Variants in SLC5A9 observed in about 807,000 individuals in gnomAD.
The protein encoded by SLC5A9 is sodium/glucose cotransporter 4.
SLC5A9 carries 59 observed loss-of-function variants against 70.9 expected under a neutral mutation model. The observed-to-expected ratio is 0.83, with a 90% confidence interval of 0.68 to 1.03. The LOEUF is 1.03. Ranked by LOEUF, SLC5A9 falls within the 50% of genes least tolerant of loss-of-function variation. The pLI is 0.00. For missense variants in SLC5A9, 832 were observed against 881.1 expected (o/e 0.94, Z 0.71); for synonymous variants, 340 against 346.5 (o/e 0.98, Z 0.21).
Position 48,239,439 on chromosome 1 carries a change from G to A in SLC5A9, c.1579G>A (p.Asp527Asn). 6.2e-7 allele frequency: 1 copy of A among 1,614,182 alleles called. No homozygotes were observed. The highest frequency in any genetic ancestry group is 8.5e-7 in the Non-Finnish European group (1 of 1,180,020). ...GGACCGGAGGCCAGCAGTGCTGAAG[G>A]ACTTCCACTACCTGTACTTTGCAAT... ...EVDRRPAVLK[D>N]FHYLYFAILL... is the part of the protein sequence containing the mutation. The change falls in exon 12 of 14, where the codon GAC becomes AAC. Residue 527 changes from aspartate (D) to asparagine (N), a missense_variant. Transcript: ENST00000438567. This position sits in a 1 kb window ranked among gnomAD's most constrained non-coding sequence, Gnocchi z 4.2.
intron 10 of SLC5A9, 78 bp from the exon 11 acceptor site, chr1:48,237,601 T>C (rs1280116837): frequency 1.4e-6 from 2 of 1,415,252 alleles, no homozygotes; most frequent in Non-Finnish European, 2.0e-6. Flanking sequence ...CCCTTCCTGG[T>C]TCCTGTGCAT....
At chr1:48,228,752 AC>A in intron 2 of SLC5A9, 97 bp from the exon 3 acceptor site, 1 of 1,560,148 alleles carries the variant, frequency 6.4e-7, no homozygotes. Flanking sequence ...TACAGTGGGT[AC>A]CCAACAAATA....
chr1:48,228,579 A>C, intron 2 of SLC5A9: 1 of 434,750 alleles, frequency 2.3e-6, no homozygotes, highest in Non-Finnish European at 4.1e-6. Flanking sequence ...CTTCCTTCCC[A>C]CTTTCCCTTT....
chr1:48,225,030 A>C (rs1225612805), intron 2 of SLC5A9, among the ~76,000 whole-genome samples: 1 of 151,088 alleles, frequency 6.6e-6, no homozygotes, highest in Non-Finnish European at 1.5e-5. Context: ...GTGGCCCTAC[A>C]TCTGGCACTT....
At chr1:48,231,899 A>G in intron 6 of SLC5A9, 47 bp from the exon 7 acceptor site, 1 of 1,609,884 alleles carries the variant, frequency 6.2e-7, no homozygotes, top group Non-Finnish European at 8.5e-7. Context: ...GCTGAGTGAC[A>G]GGCTCAGTGG....
intron 12 of SLC5A9, 118 bp from the exon 13 acceptor site, chr1:48,242,339 G>T (rs767333403): frequency 1.2e-4 from 153 of 1,233,196 alleles, no homozygotes; most frequent in Non-Finnish European, 1.6e-4. Context: ...CCCAGCCCTG[G>T]CCTTGTTCTT....
intron 11 of SLC5A9, among the ~76,000 whole-genome samples, chr1:48,238,199 G>A (rs1012116890): frequency 6.6e-6 from 1 of 152,154 alleles, no homozygotes; most frequent in African/African-American, 2.4e-5. Context: ...AAGACTTCCT[G>A]GATGAAGTGA....
chr1:48,231,553 A>C lies in SLC5A9; in HGVS notation c.619A>C (p.Met207Leu), dbSNP rs1557472186. Residue 207 changes from methionine to leucine, a missense_variant, in exon 6 of 14, where the codon ATG becomes CTG. Coordinates refer to ENST00000438567, the MANE Select transcript of SLC5A9 (RefSeq NM_001011547.3). ...TCTCCTTGGGTCCCCAGGTGGCCTCATGGCCGTGATCTACACAGATGCTCT... is the reference window on the plus strand; with the variant it reads ...TCTCCTTGGGTCCCCAGGTGGCCTCCTGGCCGTGATCTACACAGATGCTCT... ...TAVYTIAGGLMAVIYTDALQT... is the reference protein window; with the variant it reads ...TAVYTIAGGLLAVIYTDALQT... 3.1e-6 allele frequency: 5 copies of C among 1,607,964 alleles called. No homozygotes were observed. Among genetic ancestry groups the C allele is most frequent in the Non-Finnish European group, 3.4e-6 (4 of 1,177,878 alleles).
intron 9 of SLC5A9, among the ~76,000 whole-genome samples, chr1:48,234,002 G>T (rs1002234771): frequency 1.3e-5 from 2 of 152,236 alleles, no homozygotes; most frequent in Non-Finnish European, 2.9e-5. Flanking sequence ...GCATCATGCG[G>T]TCTCCAGGGT....
intron 10 of SLC5A9, 142 bp downstream of exon 10, chr1:48,236,021 T>C: frequency 1.1e-6 from 1 of 906,776 alleles, no homozygotes; most frequent in East Asian, 2.6e-5. Context: ...TCCACATGAT[T>C]TCAAGTAAGT....
intron 2 of SLC5A9, among the ~76,000 whole-genome samples, chr1:48,227,558 ATG>A (rs1271987783): frequency 5.1e-5 from 5 of 97,514 alleles, no homozygotes; most frequent in Admixed American, 1.0e-4. Flanking sequence ...GTGTGAGTGC[ATG>A]TGTGTCAGAG....
At chr1:48,231,183 C>T (rs1644242429) in intron 5 of SLC5A9, among the ~76,000 whole-genome samples, 1 of 152,124 alleles carries the variant, frequency 6.6e-6, no homozygotes, top group Non-Finnish European at 1.5e-5. Context: ...GGTCCAGAGA[C>T]AGGGGGGCAT....
chr1:48,224,010 G>A (rs188781090), intron 1 of SLC5A9, among the ~76,000 whole-genome samples: 2 of 152,338 alleles, frequency 1.3e-5, no homozygotes, highest in Admixed American at 6.5e-5. Context: ...TCACTCCCTC[G>A]TGACTGATTA....
chr1:48,223,001 T>C (rs1458881563), intron 1 of SLC5A9, 103 bp downstream of exon 1: 14 of 1,232,320 alleles, frequency 1.1e-5, no homozygotes, highest in Non-Finnish European at 1.6e-5. Context: ...AAGAAGCAGA[T>C]CATAGAACCA....
intron 8 of SLC5A9, among the ~76,000 whole-genome samples, chr1:48,233,168 C>CT (rs1242274334): frequency 6.6e-6 from 1 of 151,814 alleles, no homozygotes; most frequent in Non-Finnish European, 1.5e-5. Flanking sequence ...CGAGACCAGC[C>CT]TAACCAACAT....
intron 1 of SLC5A9, 43 bp from the exon 2 acceptor site, chr1:48,224,681 A>C (rs1235047242): frequency 6.3e-7 from 1 of 1,597,524 alleles, no homozygotes; most frequent in Non-Finnish European, 8.6e-7. Context: ...GCAGAGGTTC[A>C]GAGAGTCTTG....
At chr1:48,233,339 T>G (rs1644280291) in intron 8 of SLC5A9, among the ~76,000 whole-genome samples, 1 of 114,910 alleles carries the variant, frequency 8.7e-6, no homozygotes, top group Admixed American at 1.4e-4. Context: ...CTAGCCTGAG[T>G]GACAGAGCGT....
intron 10 of SLC5A9, among the ~76,000 whole-genome samples, chr1:48,236,327 G>C (rs963099146): frequency 3.3e-5 from 5 of 152,250 alleles, no homozygotes; most frequent in African/African-American, 1.2e-4. Context: ...CCCACGGATG[G>C]GTCATATGGC....
chr1:48,239,455 A>G lies in SLC5A9; in HGVS notation c.1595A>G (p.Tyr532Cys), dbSNP rs1196143904. 3.7e-6 allele frequency: 6 copies of G among 1,614,186 alleles called. No individual in the cohort carries two copies. The highest frequency in any genetic ancestry group is 5.1e-6 in the Non-Finnish European group (6 of 1,180,032). Residue 532 changes from tyrosine (Y) to cysteine (C), a missense_variant, in exon 12 of 14, where the codon TAC (tyrosine) becomes TGC (cysteine). Physicochemically the swap from Tyr to Cys is radical, Grantham distance 194 (BLOSUM62 -2). Transcript: ENST00000438567. This position sits in a 1 kb window ranked among gnomAD's most constrained non-coding sequence, Gnocchi z 4.2. Reference sequence around the variant, plus strand: ...GTGCTGAAGGACTTCCACTACCTGTACTTTGCAATCCTCCTCTGCGGGCTC... The same window carrying G: ...GTGCTGAAGGACTTCCACTACCTGTGCTTTGCAATCCTCCTCTGCGGGCTC... Reference protein sequence around the residue: ...PAVLKDFHYLYFAILLCGLTA... With the variant: ...PAVLKDFHYLCFAILLCGLTA...
Sources: gnomAD v4.1 joint callset for allele counts (sites outside exome capture counted in the v4.1 genomes callset) on GRCh38, gnomAD v4.1.1 for gene constraint, Gnocchi (gnomAD v3.1) non-coding constraint, MANE v1.5 for transcripts, NCBI Gene and HGNC (gene_info 2026-07-23, HGNC 2026-07-21) for gene names.